PRELID2: variants seen among roughly 807,000 people sequenced by gnomAD.
PRELID2 encodes the protein PRELI domain-containing protein 2.
A neutral mutation model predicts 28.4 loss-of-function variants in PRELID2; 25 were observed. The observed-to-expected ratio is 0.88, with a 90% CI of 0.64 to 1.23. The LOEUF is 1.23. Among genes scored for constraint, PRELID2 ranks in the 50% most tolerant of loss-of-function variants. PRELID2 has a pLI of 0.00. For missense variants in PRELID2, 201 were observed against 214.4 expected, an observed-to-expected ratio of 0.94 and a Z score of 0.39; for synonymous variants, 76 against 71.6, an observed-to-expected ratio of 1.06 and a Z score of -0.31.
chr5:145,279,123 G>T, the PRELID2 span, among the ~76,000 whole-genome samples: 1 of 152,132 alleles, frequency 6.6e-6, no homozygotes, highest in Admixed American at 6.6e-5. Context: ...GATTCTGTCA[G>T]TCTATGCATT....
the PRELID2 span, among the ~76,000 whole-genome samples, chr5:145,431,143 T>G: frequency 1.3e-5 from 2 of 150,674 alleles, no homozygotes; most frequent in Admixed American, 1.3e-4. Flanking sequence ...GGAAATAGAA[T>G]TTTTTAAAAA....
the PRELID2 span, among the ~76,000 whole-genome samples, chr5:145,462,336 G>A: frequency 6.6e-6 from 1 of 152,174 alleles, no homozygotes; most frequent in South Asian, 2.1e-4. Context: ...CATGATGTAG[G>A]AGCAGTATGC....
At chr5:145,592,405 G>GCGAGA (rs1303767269) in intron 1 of PRELID2, among the ~76,000 whole-genome samples, 1 of 151,786 alleles carries the variant, frequency 6.6e-6, no homozygotes, top group Non-Finnish European at 1.5e-5. Flanking sequence ...GGGCAACAGA[G>GCGAGA]CGAGACTCTG....
chr5:145,253,483 G>C, the PRELID2 span, among the ~76,000 whole-genome samples: 1 of 152,056 alleles, frequency 6.6e-6, no homozygotes, highest in South Asian at 2.1e-4. Context: ...GCTTTAGGAG[G>C]AGATCCATCT....
chr5:145,749,543 G>A (rs1026271569), intron 1 of PRELID2, among the ~76,000 whole-genome samples: 1 of 152,180 alleles, frequency 6.6e-6, no homozygotes, highest in Non-Finnish European at 1.5e-5. Flanking sequence ...AACCATTGTG[G>A]AAGACAGTAT....
the PRELID2 span, among the ~76,000 whole-genome samples, chr5:145,238,378 A>T: frequency 1.3e-5 from 2 of 152,174 alleles, no homozygotes; most frequent in African/African-American, 4.8e-5. Flanking sequence ...CCATTATTCA[A>T]CACTTCTAGC....
At chr5:145,751,897 G>A (rs1757133460), downstream of PRELID2, among the ~76,000 whole-genome samples, 1 of 152,146 alleles carries the variant, frequency 6.6e-6, no homozygotes, top group Non-Finnish European at 1.5e-5. Flanking sequence ...CAGGAAAATT[G>A]CTTGAACCCA....
At chr5:145,594,788 T>C (rs1288126759) in intron 1 of PRELID2, among the ~76,000 whole-genome samples, 2 of 152,204 alleles carry the variant, frequency 1.3e-5, no homozygotes, top group African/African-American at 4.8e-5. Context: ...TTCTATTTTT[T>C]AAGCAATGAA....
At chr5:145,377,783 A>T in the PRELID2 span, among the ~76,000 whole-genome samples, 3 of 152,106 alleles carry the variant, frequency 2.0e-5, no homozygotes, top group Non-Finnish European at 2.9e-5. Context: ...GCAGCATACC[A>T]ATGGGTCTTG....
chr5:145,682,717 C>T (rs1290885457), intron 1 of PRELID2, among the ~76,000 whole-genome samples: 2 of 152,106 alleles, frequency 1.3e-5, no homozygotes, highest in Non-Finnish European at 2.9e-5. Context: ...TTAGGTGACA[C>T]GCTCCCTTCC....
chr5:145,607,895 C>CA (rs1205895884), intron 1 of PRELID2, among the ~76,000 whole-genome samples: 1 of 152,138 alleles, frequency 6.6e-6, no homozygotes, highest in Non-Finnish European at 1.5e-5. Context: ...TCATAGGTGT[C>CA]TAAGAACTTG....
At chr5:145,288,809 T>G in the PRELID2 span, among the ~76,000 whole-genome samples, 1 of 152,134 alleles carries the variant, frequency 6.6e-6, no homozygotes, top group South Asian at 2.1e-4. Context: ...TTCTAGACTT[T>G]TCTCATTGTA....
At chr5:145,465,112 T>A in the PRELID2 span, among the ~76,000 whole-genome samples, 102 of 152,242 alleles carry the variant, frequency 6.7e-4, no homozygotes, top group African/African-American at 2.2e-3. Flanking sequence ...CCATAGTACT[T>A]TTCATGGCCT....
the PRELID2 span, among the ~76,000 whole-genome samples, chr5:145,304,890 T>C: frequency 6.6e-6 from 1 of 152,162 alleles, no homozygotes; most frequent in South Asian, 2.1e-4. Flanking sequence ...CACATATATA[T>C]AGTATGGTAC....
At chr5:145,750,251 G>T (rs1757092391) in intron 1 of PRELID2, among the ~76,000 whole-genome samples, 2 of 151,722 alleles carry the variant, frequency 1.3e-5, no homozygotes, top group Admixed American at 1.3e-4. Flanking sequence ...TTAACTATGT[G>T]CCAGGAACTG....
At chr5:145,472,145 A>C (rs181566072) in intron 2 of PRELID2, 1 of 152,422 alleles carries the variant, frequency 6.6e-6, no homozygotes, top group Non-Finnish European at 1.5e-5. Context: ...CGACTGTAGT[A>C]GGAAGGCAGA....
In PRELID2 at chr5:145,645,765, G is replaced by A. The variant is rs192292671; in HGVS notation, n.70+119166C>T. Among the ~76,000 whole-genome samples the A allele has an allele frequency of 3.7e-3, 559 of 152,236 alleles. 2 individuals are homozygous for A. The highest frequency in any genetic ancestry group is 0.013 in the African/African-American group (524 of 41,530). On this transcript the variant is annotated intron_variant and non_coding_transcript_variant, in intron 1 of 2. Coordinates refer to the PRELID2 transcript ENST00000510259. Reference sequence around the variant, plus strand: ...CTCTCAGCATTTGTTTGTCTGTAAAGGATTTTATTTCTCCTTCATTTATGA... The same window carrying A: ...CTCTCAGCATTTGTTTGTCTGTAAAAGATTTTATTTCTCCTTCATTTATGA...
chr5:145,807,965 T>C (rs1753632926), intron 4 of PRELID2, among the ~76,000 whole-genome samples: 4 of 152,138 alleles, frequency 2.6e-5, no homozygotes, highest in Admixed American at 6.5e-5. Flanking sequence ...TGAGTATCTT[T>C]TGGAGGGCAG....
intron 1 of PRELID2, among the ~76,000 whole-genome samples, chr5:145,534,805 A>G (rs1752685473): frequency 6.6e-6 from 1 of 151,990 alleles, no homozygotes; most frequent in African/African-American, 2.4e-5. Context: ...ATAATTTCAC[A>G]TATAGAGAAA....
Sources: gnomAD v4.1 joint callset for allele counts (sites outside exome capture counted in the v4.1 genomes callset) on GRCh38, gnomAD v4.1.1 for gene constraint, MANE v1.5 for transcripts, NCBI Gene and HGNC (gene_info 2026-07-23, HGNC 2026-07-21) for gene names.